The following LRRC23 variants were observed in gnomAD, a reference collection of about 807,000 sequenced individuals.
The protein encoded by LRRC23 is leucine-rich repeat-containing protein 23.
A neutral mutation model predicts 37.7 loss-of-function variants in LRRC23; 28 were observed. That is an observed-to-expected ratio of 0.74 (90% confidence interval 0.55 to 1.02). LRRC23 has a LOEUF of 1.02. Ranked by LOEUF, LRRC23 falls within the 50% of genes least tolerant of loss-of-function variation. LRRC23 has a pLI of 0.00. For missense variants in LRRC23, 377 were observed against 413.2 expected (o/e 0.91, Z 0.76); for synonymous variants, 161 against 165.4 (o/e 0.97, Z 0.20).
chr12:6,905,872 A>G lies in LRRC23; in HGVS notation c.154A>G (p.Met52Val), dbSNP rs1471707113. ...GCTGCCCACCCCCCTCACGGAGGAC[A>G]TGATGAAGGAAGGGCTTTCTCTGCT... ...EWLPTPLTED[M>V]MKEGLSLLCK... Residue 52 changes from methionine (M) to valine (V), a missense_variant, in exon 3 of 8, where the codon ATG becomes GTG. Met to Val is a conservative substitution (Grantham distance 21, BLOSUM62 1). This residue lies in a region of LRRC23 where 106 missense variants were observed against 105.9 expected (regional missense o/e 1.00). Transcript: ENST00000443597. The G allele has an allele frequency of 6.8e-6, 11 of 1,613,882 alleles. No homozygotes were observed. In the African/African-American group the frequency reaches 8.0e-5, roughly 12 times the overall value.
intron 4 of LRRC23, 167 bp downstream of exon 4, chr12:6,906,829 A>T: frequency 1.3e-6 from 1 of 755,376 alleles, no homozygotes; most frequent in South Asian, 1.8e-5. Flanking sequence ...ACCATATAGG[A>T]TCCAATAAGA....
chr12:6,905,164 C>T (rs1314693313), intron 1 of LRRC23, 89 bp downstream of exon 1: 1 of 164,470 alleles, frequency 6.1e-6, no homozygotes, highest in African/African-American at 2.4e-5. Flanking sequence ...GGAAATTGGC[C>T]CAGTGGGGAG....
At position 6,913,864 on chromosome 12, in the gene LRRC23, C is replaced by G. The variant is rs782627035; in HGVS notation, c.*25-27C>G. ...AGGGGTGAGCCACAGCGCCTGGTCC[C>G]TATTTACTTCTGTCTTCTACCTCCA... On this transcript the variant is annotated intron_variant, in intron 7 of 7. Coordinates refer to ENST00000443597, the MANE Select transcript of LRRC23 (RefSeq NM_001135217.2). 3 of 1,531,750 alleles carry G rather than the reference C, an allele frequency of 2.0e-6. No homozygotes were observed. In the East Asian group the frequency reaches 7.0e-5, roughly 36 times the overall value. 94.9% of individuals were successfully genotyped at this position (1,531,750 alleles called of 1,614,324 possible).
chr12:6,906,326 T>G, intron 3 of LRRC23, 83 bp from the exon 4 acceptor site: 3 of 1,336,020 alleles, frequency 2.2e-6, no homozygotes, highest in Non-Finnish European at 3.1e-6. Context: ...ATCTCCATAT[T>G]GCCTTCTGCT....
intron 5 of LRRC23, among the ~76,000 whole-genome samples, chr12:6,908,133 G>C (rs781785440): frequency 6.6e-6 from 1 of 152,120 alleles, no homozygotes; most frequent in Non-Finnish European, 1.5e-5. Flanking sequence ...GGGGATATGG[G>C]TGCAGTGCTC....
At chr12:6,913,540 T>G (rs1181929315) in intron 7 of LRRC23, among the ~76,000 whole-genome samples, 2 of 146,888 alleles carry the variant, frequency 1.4e-5, no homozygotes, top group Non-Finnish European at 3.0e-5. Context: ...GGAGAGGCTT[T>G]ATTTACCTCT....
chr12:6,905,127 T>A (rs1260022827), intron 1 of LRRC23, 52 bp downstream of exon 1: 3 of 161,950 alleles, frequency 1.9e-5, no homozygotes, highest in African/African-American at 7.2e-5. Context: ...GAGACTGCGC[T>A]TTAGGCTGGT....
In LRRC23 at chr12:6,909,984, G is replaced by C. The variant is rs782432009; in HGVS notation, c.716G>C (p.Gly239Ala). 2.5e-6 allele frequency: 4 copies of C among 1,613,662 alleles called. No homozygotes were observed. The highest frequency in any genetic ancestry group is 1.7e-5 in the Admixed American group (1 of 59,918). ...LRDNQIDTLS[G>A]FSREMKSLQY... ...GACAACCAGATTGACACCCTGAGTGGCTTCTCCAGAGAAATGAAATCATTG... is the reference window on the plus strand; with the variant it reads ...GACAACCAGATTGACACCCTGAGTGCCTTCTCCAGAGAAATGAAATCATTG... The change falls in exon 6 of 8, where the codon GGC becomes GCC. Residue 239 changes from glycine (G) to alanine (A), a missense_variant. Transcript: ENST00000443597.
At position 6,914,178 on chromosome 12, in the gene LRRC23, C is replaced by G. The variant is rs1945260433; in HGVS notation, c.*312C>G. 9.8e-7 allele frequency: 1 copy of G among 1,024,214 alleles called. No homozygotes were observed. Among genetic ancestry groups the G allele is most frequent in the African/African-American group, 1.6e-5 (1 of 61,542 alleles). The allele number at this position is 1,024,214 out of a possible 1,614,324, so 63.4% of individuals were successfully genotyped here. ...GTGCTGGTAGGAGTGGTTGGAGAGA[C>G]TTGCGAAGGCGGCTGGGGTGTTCGG... is the stretch of plus-strand genomic sequence containing the variant. On this transcript the variant is annotated 3_prime_UTR_variant, in exon 8 of 8. Coordinates refer to ENST00000443597, the MANE Select transcript of LRRC23 (RefSeq NM_001135217.2). This position sits in a 1 kb window ranked among gnomAD's most constrained non-coding sequence, Gnocchi z 7.1.
Position 6,910,030 on chromosome 12 carries a change from T to A in LRRC23, c.758+4T>A. ...CATTGCAGTACCTCAACCTGAGGTATGCACCCTCTCCAAGCCCCACCTTGC... is the reference window on the plus strand; with the variant it reads ...CATTGCAGTACCTCAACCTGAGGTAAGCACCCTCTCCAAGCCCCACCTTGC... On this transcript the variant is annotated splice_donor_region_variant and intron_variant, in intron 6 of 7. Transcript: ENST00000443597. 6.2e-7 allele frequency: 1 copy of A among 1,606,536 alleles called. No individual in the cohort carries two copies. Among genetic ancestry groups the A allele is most frequent in the African/African-American group, 1.3e-5 (1 of 74,846 alleles).
At position 6,912,820 on chromosome 12, in the gene LRRC23, G is replaced by C. The variant is rs369885926; in HGVS notation, c.849G>C (p.Thr283=). Residue 283 remains threonine (T), a synonymous_variant, in exon 7 of 8, where the codon ACG becomes ACC. Transcript: ENST00000443597. Reference sequence around the variant, plus strand: ...TGGTGCTGCTTGATAACCCATGCACGGACGAAACCAGCTACCGCCAGGAGG... The same window carrying C: ...TGGTGCTGCTTGATAACCCATGCACCGACGAAACCAGCTACCGCCAGGAGG... The part of the protein sequence containing the change: ...RALVLLDNPC[T]DETSYRQEAL... 1.9e-5 allele frequency: 31 copies of C among 1,614,132 alleles called. No homozygotes were observed. In the East Asian group the frequency reaches 6.7e-4, roughly 35 times the overall value.
intron 1 of LRRC23, 75 bp from the exon 2 acceptor site, chr12:6,905,510 T>G: frequency 1.2e-6 from 1 of 869,020 alleles, no homozygotes; most frequent in Non-Finnish European, 1.9e-6. Context: ...GTCATGGGGG[T>G]GATGGGAGTG....
intron 7 of LRRC23, 45 bp downstream of exon 7, chr12:6,913,072 G>A: frequency 6.3e-7 from 1 of 1,580,776 alleles, no homozygotes; most frequent in Non-Finnish European, 8.6e-7. Flanking sequence ...CCAAGGGCTG[G>A]GCAGGTAGGG....
At chr12:6,907,178 AT>A in intron 4 of LRRC23, 136 bp from the exon 5 acceptor site, 2 of 969,214 alleles carry the variant, frequency 2.1e-6, no homozygotes, top group Non-Finnish European at 3.2e-6. Context: ...CTCCAGAGGT[AT>A]TAAGTCTGGA....
At chr12:6,906,008 C>G (rs1287244241) in intron 3 of LRRC23, 54 bp downstream of exon 3, 1 of 1,426,132 alleles carries the variant, frequency 7.0e-7, no homozygotes, top group Non-Finnish European at 9.9e-7. Context: ...CCCCTATCTC[C>G]TTTCCCACTG....
intron 1 of LRRC23, 148 bp from the exon 2 acceptor site, chr12:6,905,437 T>C: frequency 2.0e-6 from 1 of 504,836 alleles, no homozygotes; most frequent in Non-Finnish European, 3.6e-6. Flanking sequence ...GAAGTGGGAG[T>C]TGAGAATCAA....
At chr12:6,906,058 A>G in intron 3 of LRRC23, 104 bp downstream of exon 3, 2 of 1,016,416 alleles carry the variant, frequency 2.0e-6, no homozygotes, top group Non-Finnish European at 3.0e-6. Context: ...GACTCTTCTC[A>G]TGCCTAGTGG....
intron 5 of LRRC23, 67 bp from the exon 6 acceptor site, chr12:6,909,823 T>A: frequency 6.7e-7 from 1 of 1,487,982 alleles, no homozygotes. Flanking sequence ...CTTTATCTCA[T>A]TCTGACTTCT....
chr12:6,908,151 T>C (rs1555139950), intron 5 of LRRC23, among the ~76,000 whole-genome samples: 1 of 151,826 alleles, frequency 6.6e-6, no homozygotes, highest in African/African-American at 2.4e-5. Flanking sequence ...CTCCATGCCC[T>C]TCCCAGATGC....
Sources: allele counts gnomAD v4.1 joint callset (sites outside exome capture counted in the v4.1 genomes callset), GRCh38; gene constraint gnomAD v4.1.1; regional missense constraint gnomAD v4.1.1; non-coding constraint Gnocchi (gnomAD v3.1); transcripts MANE v1.5; gene names NCBI Gene and HGNC (gene_info 2026-07-23, HGNC 2026-07-21).